Variants in SLC5A4 observed in about 807,000 individuals in gnomAD.
The protein encoded by SLC5A4 is probable glucose sensor protein SLC5A4.
Under a neutral mutation model 70.3 loss-of-function variants are expected in SLC5A4, and 55 were observed. The ratio of observed to expected loss-of-function variants is 0.78; its 90% confidence interval spans 0.63 to 0.98. SLC5A4 has a LOEUF of 0.98. SLC5A4 is among the 50% of genes least tolerant of loss of function. The pLI is 0.00. For synonymous variants in SLC5A4, 268 were observed against 305.7 expected, an observed-to-expected ratio of 0.88 and a Z score of 1.29; for missense variants, 735 against 839.2, an observed-to-expected ratio of 0.88 and a Z score of 1.53.
intron 13 of SLC5A4, 131 bp from the exon 14 acceptor site, chr22:32,221,153 G>A (rs895647108): frequency 2.9e-5 from 15 of 521,868 alleles, no homozygotes; most frequent in Non-Finnish European, 5.1e-5. Context: ...AGATCACAAA[G>A]AAAAGGCCTC....
the SLC5A4 span, among the ~76,000 whole-genome samples, chr22:32,333,969 T>TAC: frequency 4.2e-5 from 6 of 142,480 alleles, no homozygotes; most frequent in East Asian, 2.3e-4. Flanking sequence ...ACCCACAATA[T>TAC]ACACACACAC....
chr22:32,225,029 C>T lies in SLC5A4; in HGVS notation c.1450-547G>A, dbSNP rs1324519440. Among the ~76,000 whole-genome samples, 6 of 152,190 alleles carry T rather than the reference C, an allele frequency of 3.9e-5. No homozygotes were observed. In the East Asian group the frequency reaches 5.8e-4, roughly 15 times the overall value. ...TGGAAGAAGATCTAAGCCTGAATAC[C>T]AAGATCCCACTTACTAATATTAAGT... On this transcript the variant is annotated intron_variant, in intron 12 of 14. Coordinates refer to ENST00000266086, the MANE Select transcript of SLC5A4 (RefSeq NM_014227.3).
chr22:32,297,086 G>A, the SLC5A4 span, among the ~76,000 whole-genome samples: 2 of 151,708 alleles, frequency 1.3e-5, no homozygotes, highest in Non-Finnish European at 2.9e-5. Context: ...TTGCATCAAT[G>A]TTCATCAAGG....
intron 13 of SLC5A4, among the ~76,000 whole-genome samples, chr22:32,223,011 A>G (rs1925175148): frequency 6.6e-6 from 1 of 152,132 alleles, no homozygotes; most frequent in Non-Finnish European, 1.5e-5. Flanking sequence ...ACAAACATCT[A>G]TATGCCTACA....
chr22:32,299,111 G>A, the SLC5A4 span, among the ~76,000 whole-genome samples: 1 of 117,594 alleles, frequency 8.5e-6, no homozygotes, highest in African/African-American at 3.3e-5. Flanking sequence ...TTCAACTTTG[G>A]TGAATCTGAC....
chr22:32,235,000 G>C lies in SLC5A4; in HGVS notation c.758C>G (p.Ala253Gly), dbSNP rs887090178. The C allele has an allele frequency of 1.2e-6, 2 of 1,613,580 alleles. No homozygotes were observed. Among genetic ancestry groups the C allele is most frequent in the Non-Finnish European group, 1.7e-6 (2 of 1,179,862 alleles). The change falls in exon 8 of 15, where the codon GCC (alanine) becomes GGC (glycine). Residue 253 changes from alanine to glycine, a missense_variant. Transcript: ENST00000266086. The part of the protein sequence containing the change: ...VVEGDNLTIS[A>G]SCYTPRADSF... ...GTCCGCCCGAGGTGTGTAGCAACTG[G>C]CACTGATTGTCAAGTTGTCCCCCTC...
intron 3 of SLC5A4, 31 bp downstream of exon 3, chr22:32,251,739 T>TTTGAAGGAAAAAGCCTATGA: frequency 7.6e-7 from 1 of 1,314,444 alleles, no homozygotes; most frequent in Non-Finnish European, 1.1e-6. Flanking sequence ...ATGGTTTTGA[T>TTTGAAGGAAAAAGCCTATGA]TTGAAGGAAA....
At chr22:32,260,516 A>AAC in the SLC5A4 span, among the ~76,000 whole-genome samples, 13 of 152,026 alleles carry the variant, frequency 8.6e-5, no homozygotes, top group Middle Eastern at 3.4e-3. Flanking sequence ...GACAAAAAAA[A>AAC]AAAACAAAAC....
chr22:32,305,817 G>A, the SLC5A4 span, among the ~76,000 whole-genome samples: 6 of 151,614 alleles, frequency 4.0e-5, no homozygotes, highest in African/African-American at 1.5e-4. Context: ...CATGCCGTCT[G>A]CAGTGATTGG....
chr22:32,328,095 CAAACACACACACACCAGAGCCCCCA>C, the SLC5A4 span, among the ~76,000 whole-genome samples: 4 of 101,888 alleles, frequency 3.9e-5, no homozygotes, highest in African/African-American at 1.2e-4. Context: ...CCCCAACACA[CAAACACACACACACCAGAGCCCCCA>C]AAACACACAC....
chr22:32,265,988 G>A, the SLC5A4 span, among the ~76,000 whole-genome samples: 5 of 152,220 alleles, frequency 3.3e-5, no homozygotes, highest in East Asian at 9.6e-4. Context: ...TGCCAGGGGA[G>A]GACAACAGAG....
In SLC5A4 at chr22:32,238,862, A is replaced by C. The variant is rs1926214971; in HGVS notation, c.583+123T>G. ...TTCTGGTGCTGTGCTTGACTCTCAT[A>C]GTGGAAATGAAATGGTGCCTTTACC... is the stretch of plus-strand genomic sequence containing the variant. On this transcript the variant is annotated intron_variant, in intron 6 of 14. Coordinates refer to ENST00000266086, the MANE Select transcript of SLC5A4 (RefSeq NM_014227.3). The C allele has an allele frequency of 5.7e-6, 4 of 698,282 alleles. No individual in the cohort carries two copies. The Admixed American group carries it at 8.3e-5, about 14-fold the overall frequency. 43.3% of individuals were successfully genotyped at this position (698,282 alleles called of 1,614,324 possible).
the SLC5A4 span, among the ~76,000 whole-genome samples, chr22:32,330,454 G>GGTGTGT: frequency 7.1e-4 from 60 of 84,580 alleles, no homozygotes; most frequent in African/African-American, 2.3e-3. Context: ...GAGGCTCTGG[G>GGTGTGT]GTGTGTGTGT....
chr22:32,258,350 G>C (rs1343713683), upstream of SLC5A4, among the ~76,000 whole-genome samples: 2 of 152,026 alleles, frequency 1.3e-5, no homozygotes, highest in African/African-American at 2.4e-5. Flanking sequence ...AAGTATGGTT[G>C]ATTCCAAAAT....
intron 14 of SLC5A4, 37 bp from the exon 15 acceptor site, chr22:32,218,762 A>G: frequency 6.7e-7 from 1 of 1,499,728 alleles, no homozygotes; most frequent in Non-Finnish European, 9.3e-7. Context: ...CAGAAGATCT[A>G]GATCACAAAG....
chr22:32,331,671 G>C, the SLC5A4 span, among the ~76,000 whole-genome samples: 1 of 152,086 alleles, frequency 6.6e-6, no homozygotes, highest in Non-Finnish European at 1.5e-5. Flanking sequence ...TGTGTTGCTG[G>C]AGCCCACGGA....
At chr22:32,333,792 G>A in the SLC5A4 span, among the ~76,000 whole-genome samples, 4 of 146,832 alleles carry the variant, frequency 2.7e-5, no homozygotes, top group African/African-American at 1.0e-4. Context: ...CACACACCAT[G>A]CCACACAGAT....
chr22:32,304,928 G>A, the SLC5A4 span, among the ~76,000 whole-genome samples: 1 of 151,742 alleles, frequency 6.6e-6, no homozygotes, highest in African/African-American at 2.4e-5. Context: ...GTTCAGATTC[G>A]TATTTTTCCA....
intron 5 of SLC5A4, among the ~76,000 whole-genome samples, chr22:32,242,027 A>G (rs1926560299): frequency 1.3e-5 from 2 of 152,018 alleles, no homozygotes; most frequent in South Asian, 4.1e-4. Flanking sequence ...CATGATTTCT[A>G]AACTGTATAT....
Sources: allele counts gnomAD v4.1 joint callset (sites outside exome capture counted in the v4.1 genomes callset), GRCh38; gene constraint gnomAD v4.1.1; transcripts MANE v1.5; gene names NCBI Gene and HGNC (gene_info 2026-07-23, HGNC 2026-07-21).